The following SYPL2 variants were observed in gnomAD, a reference collection of about 807,000 sequenced individuals.
SYPL2 encodes the protein synaptophysin-like protein 2.
SYPL2 carries 24 observed loss-of-function variants against 31.3 expected under a neutral mutation model. The ratio of observed to expected loss-of-function variants is 0.77; its 90% CI spans 0.56 to 1.08. The LOEUF is 1.08. SYPL2 is among the 50% of genes least tolerant of loss of function. SYPL2 has a pLI of 0.00. For synonymous variants in SYPL2, 144 were observed against 143.1 expected (o/e 1.01, Z -0.05); for missense variants, 342 against 360.1 (o/e 0.95, Z 0.41).
At position 109,477,938 on chromosome 1, in the gene SYPL2, G is replaced by A; in HGVS notation, c.577G>A (p.Val193Met). The change falls in exon 5 of 6, where the codon GTG (valine) becomes ATG (methionine). Residue 193 changes from valine (V) to methionine (M), a missense_variant. Coordinates refer to ENST00000369872, the MANE Select transcript of SYPL2 (RefSeq NM_001040709.2). ...ATCCAGCTTGACAGCAGCCATGTCA[G>A]TGTGCCATGGAGAGGAAGCAGTGTG... Reference protein sequence around the residue: ...RPSSLTAAMSVCHGEEAVCSA... With the variant: ...RPSSLTAAMSMCHGEEAVCSA... The A allele has an allele frequency of 6.2e-7, 1 of 1,614,232 alleles. No individual in the cohort carries two copies. Among genetic ancestry groups the A allele is most frequent in the Non-Finnish European group, 8.5e-7 (1 of 1,180,028 alleles).
intron 5 of SYPL2, 101 bp from the exon 6 acceptor site, chr1:109,479,277 C>T (rs1557862119): frequency 7.5e-7 from 1 of 1,335,678 alleles, no homozygotes; most frequent in Middle Eastern, 1.9e-4. Context: ...TGTGCTTCTT[C>T]CCTGCACAAG....
rs370127089 is a variant in SYPL2 at position 109,476,802 on chromosome 1, C to A, written c.281C>A (p.Pro94His). The A allele has an allele frequency of 1.2e-6, 2 of 1,614,034 alleles. No individual in the cohort carries two copies. Among genetic ancestry groups the A allele is most frequent in the African/African-American group, 2.7e-5 (2 of 74,912 alleles). ...FRLHRIQYEMPLCDEESSSKT... is the reference protein window; with the variant it reads ...FRLHRIQYEMHLCDEESSSKT... The stretch of plus-strand genomic sequence containing the variant: ...TTGCACCGGATCCAATATGAGATGC[C>A]CCTCTGCGATGAAGAGTCCAGCTCC... The change falls in exon 4 of 6, where the codon CCC (proline) becomes CAC (histidine). Residue 94 changes from proline (P) to histidine (H), a missense_variant. Pro to His is a moderately conservative substitution (Grantham distance 77). Transcript: ENST00000369872.
intron 2 of SYPL2, among the ~76,000 whole-genome samples, chr1:109,468,211 A>G (rs1432567569): frequency 6.6e-6 from 1 of 152,248 alleles, no homozygotes; most frequent in Admixed American, 6.5e-5. Context: ...CACATACCAA[A>G]TGGTGTGTGA....
intron 2 of SYPL2, among the ~76,000 whole-genome samples, chr1:109,469,827 CAAAAAAAAA>C (rs10533137): frequency 5.1e-5 from 4 of 79,194 alleles, no homozygotes; most frequent in Non-Finnish European, 9.3e-5. Context: ...GACCTTGTCT[CAAAAAAAAA>C]AAAAAAAAAA....
At chr1:109,472,552 TA>T (rs1655864665) in intron 2 of SYPL2, among the ~76,000 whole-genome samples, 1 of 151,580 alleles carries the variant, frequency 6.6e-6, no homozygotes, top group Admixed American at 6.6e-5. Context: ...GAAGGCTCCA[TA>T]ACTGACCGTT....
intron 2 of SYPL2, among the ~76,000 whole-genome samples, chr1:109,470,775 G>T (rs1399279062): frequency 6.6e-6 from 1 of 152,114 alleles, no homozygotes; most frequent in Non-Finnish European, 1.5e-5. Context: ...CATGGAGGGG[G>T]TTGGGAGAAA....
intron 2 of SYPL2, 193 bp from the exon 3 acceptor site, chr1:109,475,388 T>G (rs1289565861): frequency 1.9e-5 from 13 of 694,794 alleles, no homozygotes; most frequent in Middle Eastern, 4.3e-4. Flanking sequence ...ATTTGGCTAT[T>G]TGGTCCAGCA....
intron 2 of SYPL2, among the ~76,000 whole-genome samples, chr1:109,470,107 C>G (rs1655782483): frequency 6.6e-6 from 1 of 152,172 alleles, no homozygotes; most frequent in East Asian, 1.9e-4. Flanking sequence ...CCCACCTCAG[C>G]CTTTCAAGTA....
chr1:109,466,773 CCCG>C lies in SYPL2; in HGVS notation c.-67_-65del, dbSNP rs1655649742. ...CCCCGGACCTGCAGCTCCCCGCTCC[CCCG>C]CCGTGTCCGCCGCCTCCCGGCCAGA... On this transcript the variant is annotated 5_prime_UTR_variant, in exon 1 of 6. Coordinates refer to ENST00000369872, the MANE Select transcript of SYPL2 (RefSeq NM_001040709.2). 2 of 1,444,220 alleles carry C rather than the reference CCCG, an allele frequency of 1.4e-6. No homozygotes were observed. Among genetic ancestry groups the C allele is most frequent in the South Asian group, 2.8e-5 (2 of 72,622 alleles). The allele number at this position is 1,444,220 out of a possible 1,614,324, so 89.5% of individuals were successfully genotyped here.
intron 2 of SYPL2, among the ~76,000 whole-genome samples, chr1:109,469,696 T>G (rs1016120092): frequency 6.6e-6 from 1 of 150,792 alleles, no homozygotes; most frequent in East Asian, 1.9e-4. Flanking sequence ...ATAAAATTAG[T>G]TGGGTGTGAT....
At chr1:109,479,104 A>C (rs1475624114) in intron 5 of SYPL2, among the ~76,000 whole-genome samples, 1 of 152,182 alleles carries the variant, frequency 6.6e-6, no homozygotes, top group Non-Finnish European at 1.5e-5. Flanking sequence ...TATGCTTTGC[A>C]CGATGCTCCT....
In SYPL2 at chr1:109,476,981, AG is replaced by A. The variant is rs749209485; in HGVS notation, c.456+5del. On this transcript the variant is annotated splice_donor_5th_base_variant and intron_variant, in intron 4 of 5. Coordinates refer to ENST00000369872, the MANE Select transcript of SYPL2 (RefSeq NM_001040709.2). ...GAACAAACGCTTCCCGCTGGTGGTG[AG>A]TCAGCACAGGCCAGAAGGAATGGGG... 1 of 1,614,178 alleles carries A rather than the reference AG, an allele frequency of 6.2e-7. No homozygotes were observed. The highest frequency in any genetic ancestry group is 8.5e-7 in the Non-Finnish European group (1 of 1,180,012).
chr1:109,470,332 TG>T (rs1251513731), intron 2 of SYPL2, among the ~76,000 whole-genome samples: 1 of 152,274 alleles, frequency 6.6e-6, no homozygotes, highest in Admixed American at 6.5e-5. Context: ...GAGTAGGACC[TG>T]GGGAGAGAAT....
intron 2 of SYPL2, among the ~76,000 whole-genome samples, chr1:109,468,410 C>A (rs915132996): frequency 1.3e-5 from 2 of 152,146 alleles, no homozygotes; most frequent in South Asian, 4.1e-4. Context: ...TTGGGATTAT[C>A]GGGCCAGCCT....
chr1:109,467,655 A>G (rs1655698165), intron 2 of SYPL2, among the ~76,000 whole-genome samples: 1 of 152,156 alleles, frequency 6.6e-6, no homozygotes, highest in Non-Finnish European at 1.5e-5. Flanking sequence ...TTTTGAGGTC[A>G]CTGGAGTAAT....
At chr1:109,475,553 C>T in intron 2 of SYPL2, 28 bp from the exon 3 acceptor site, 1 of 1,607,094 alleles carries the variant, frequency 6.2e-7, no homozygotes, top group Non-Finnish European at 8.5e-7. Flanking sequence ...GGCCTTCTGA[C>T]TCTCAAAGAG....
intron 2 of SYPL2, among the ~76,000 whole-genome samples, chr1:109,468,734 C>T (rs1655735664): frequency 1.3e-5 from 2 of 152,152 alleles, no homozygotes; most frequent in African/African-American, 4.8e-5. Flanking sequence ...ACTCCTCTCC[C>T]TTGGAGGGAT....
rs755656531 is a variant in SYPL2, at chr1:109,477,968, G to T, written c.607G>T (p.Ala203Ser). The change falls in exon 5 of 6, where the codon GCC becomes TCC. Residue 203 changes from alanine (A) to serine (S), a missense_variant. Ala to Ser is a moderately conservative substitution (Grantham distance 99). Transcript: ENST00000369872. ...VCHGEEAVCS[A>S]GATPSMGLAN... ...CCATGGAGAGGAAGCAGTGTGCAGT[G>T]CCGGGGCCACGCCCTCTATGGGCCT... 2.5e-6 allele frequency: 4 copies of T among 1,614,234 alleles called. No individual in the cohort carries two copies. The Admixed American group carries it at 6.7e-5, about 27-fold the overall frequency.
chr1:109,471,211 T>C (rs1412977843), intron 2 of SYPL2, among the ~76,000 whole-genome samples: 1 of 152,188 alleles, frequency 6.6e-6, no homozygotes, highest in Non-Finnish European at 1.5e-5. Flanking sequence ...ATCTTTGAGG[T>C]CCCTTTTGTT....
Sources: allele counts gnomAD v4.1 joint callset (sites outside exome capture counted in the v4.1 genomes callset), GRCh38; gene constraint gnomAD v4.1.1; transcripts MANE v1.5; gene names NCBI Gene and HGNC (gene_info 2026-07-23, HGNC 2026-07-21).